Variants in NDUFAF6 observed in about 807,000 individuals in gnomAD.
NDUFAF6 encodes the protein NADH dehydrogenase (ubiquinone) complex I, assembly factor 6.
NDUFAF6 carries 45 observed loss-of-function variants against 40.8 expected under a neutral mutation model. The ratio of observed to expected loss-of-function variants is 1.10; its 90% CI spans 0.87 to 1.42. The LOEUF (loss-of-function observed/expected upper bound fraction) is 1.42, where lower values mean the gene tolerates loss of function less well. Among genes scored for constraint, NDUFAF6 ranks in the 40% most tolerant of loss-of-function variants. The pLI, the probability that NDUFAF6 is intolerant of heterozygous loss-of-function variation, is 0.00. For missense variants in NDUFAF6, 435 were observed against 418.5 expected (o/e 1.04, Z -0.34); for synonymous variants, 185 against 155.9 (o/e 1.19, Z -1.39).
intron 2 of NDUFAF6, among the ~76,000 whole-genome samples, chr8:95,092,826 G>A (rs997197724): frequency 1.3e-5 from 2 of 152,018 alleles, no homozygotes; most frequent in Non-Finnish European, 2.9e-5. Context: ...CCTCATGATC[G>A]GCCTGCTTTG....
intron 4 of NDUFAF6, among the ~76,000 whole-genome samples, chr8:95,043,774 A>G (rs941501490): frequency 1.3e-5 from 2 of 152,246 alleles, no homozygotes; most frequent in Admixed American, 1.3e-4. Flanking sequence ...AACCTTTCGT[A>G]CATTGCTGGT....
upstream of NDUFAF6, among the ~76,000 whole-genome samples, chr8:95,023,807 A>G (rs1827801953): frequency 6.6e-6 from 1 of 152,162 alleles, no homozygotes; most frequent in Non-Finnish European, 1.5e-5. Context: ...CCTGGCCAAC[A>G]TGGTGAAACC....
Position 95,005,554 on chromosome 8 carries a change from A to ATGT in NDUFAF6, c.-84+24581_-84+24582insTGT, listed in dbSNP as rs1554657858. Among the ~76,000 whole-genome samples the ATGT allele has an allele frequency of 1.1e-3, 130 of 115,336 alleles. 9 individuals carry two copies. The highest frequency in any genetic ancestry group is 4.7e-3 in the African/African-American group (126 of 26,774). The allele number at this position is 115,336 out of a possible 152,430, so 75.7% of individuals were successfully genotyped here. A position where few individuals can be genotyped will look rare whatever the true frequency, so the allele number is the denominator to read the frequency against. ...ATATATATATATATATATATATATAAAAAATATATTAACATAAATAATATA... is the reference window on the plus strand; with the variant it reads ...ATATATATATATATATATATATATAATGTAAAATATATTAACATAAATAATATA... On this transcript the variant is annotated intron_variant, in intron 2 of 9. Transcript: ENST00000396111.
intron 2 of NDUFAF6, among the ~76,000 whole-genome samples, chr8:95,086,856 G>GC (rs1809064704): frequency 6.6e-6 from 1 of 151,918 alleles, no homozygotes; most frequent in Non-Finnish European, 1.5e-5. Flanking sequence ...GCCCGCCTCC[G>GC]CCCCCCAAAG....
At chr8:95,028,829 C>A (rs1234937793) in intron 1 of NDUFAF6, among the ~76,000 whole-genome samples, 1 of 152,192 alleles carries the variant, frequency 6.6e-6, no homozygotes, top group African/African-American at 2.4e-5. Context: ...GTTTTAAACA[C>A]TTCTGAAGTT....
At chr8:94,921,527 G>A (rs1027054805) in intron 1 of NDUFAF6, among the ~76,000 whole-genome samples, 11 of 152,202 alleles carry the variant, frequency 7.2e-5, no homozygotes, top group Admixed American at 3.9e-4. Context: ...TTGGGATACT[G>A]TTATCAGAAG....
chr8:94,983,329 A>G (rs956535320), intron 2 of NDUFAF6, among the ~76,000 whole-genome samples: 1 of 127,940 alleles, frequency 7.8e-6, no homozygotes, highest in African/African-American at 3.1e-5. Flanking sequence ...CAATGGCACT[A>G]TCTTGGCTCA....
chr8:95,012,935 T>G (rs1827288802), intron 2 of NDUFAF6, among the ~76,000 whole-genome samples: 1 of 152,176 alleles, frequency 6.6e-6, no homozygotes. Context: ...TACTTTTAGT[T>G]TTGCCAGAGT....
chr8:95,090,302 G>T (rs1193309359), intron 2 of NDUFAF6, among the ~76,000 whole-genome samples: 1 of 152,076 alleles, frequency 6.6e-6, no homozygotes, highest in African/African-American at 2.4e-5. Context: ...TACCTAGCAC[G>T]CCTGCACCTG....
At chr8:94,943,490 A>G (rs1292953279) in intron 1 of NDUFAF6, among the ~76,000 whole-genome samples, 2 of 152,200 alleles carry the variant, frequency 1.3e-5, no homozygotes, top group African/African-American at 4.8e-5. Context: ...TTGTCTCAAA[A>G]AAAAGTTATA....
intron 2 of NDUFAF6, chr8:95,034,079 C>T (rs1480633507): frequency 2.2e-6 from 1 of 457,624 alleles, no homozygotes; most frequent in Non-Finnish European, 4.4e-6. Flanking sequence ...CTAAGAAACC[C>T]ACCCACCACC....
upstream of NDUFAF6, among the ~76,000 whole-genome samples, chr8:95,097,291 A>T (rs970485790): frequency 6.6e-6 from 1 of 152,242 alleles, no homozygotes; most frequent in Admixed American, 6.5e-5. Flanking sequence ...AAACTAAGAC[A>T]TCTCAATTTC....
At chr8:95,089,130 C>T (rs954072613) in intron 2 of NDUFAF6, among the ~76,000 whole-genome samples, 18 of 151,154 alleles carry the variant, frequency 1.2e-4, no homozygotes, top group Non-Finnish European at 1.9e-4. Flanking sequence ...GTGCGATCTC[C>T]GCCCACTGCA....
At chr8:95,105,116 G>T (rs904880890), downstream of NDUFAF6, among the ~76,000 whole-genome samples, 1 of 108,104 alleles carries the variant, frequency 9.3e-6, no homozygotes, top group Non-Finnish European at 1.9e-5. Context: ...GAGAGAGAGA[G>T]ATCACGTAGC....
chr8:95,064,540 CGT>C (rs10559024), intron 9 of NDUFAF6, among the ~76,000 whole-genome samples: 105,433 of 149,582 alleles, frequency 0.7, 37,399 homozygotes, highest in East Asian at 0.92. Flanking sequence ...ATCATTTATT[CGT>C]GTGTGTGTGT....
intron 1 of NDUFAF6, among the ~76,000 whole-genome samples, chr8:94,964,460 G>A (rs529198323): frequency 8.7e-5 from 13 of 149,294 alleles, no homozygotes; most frequent in Admixed American, 2.7e-4. Flanking sequence ...AGGAATACCC[G>A]AGACTGGGTA....
At chr8:94,896,952 T>C (rs2131147710) in intron 1 of NDUFAF6, among the ~76,000 whole-genome samples, 1 of 152,264 alleles carries the variant, frequency 6.6e-6, no homozygotes, top group African/African-American at 2.4e-5. Flanking sequence ...CCCAAGAAAC[T>C]TTCTGCCATT....
At chr8:94,999,149 G>T (rs1360471103) in intron 2 of NDUFAF6, among the ~76,000 whole-genome samples, 2 of 141,390 alleles carry the variant, frequency 1.4e-5, no homozygotes, top group African/African-American at 5.4e-5. Flanking sequence ...TTTGAAGACA[G>T]AGTCTCACTC....
At chr8:95,096,196 A>G (rs1809458895), upstream of NDUFAF6, among the ~76,000 whole-genome samples, 2 of 152,190 alleles carry the variant, frequency 1.3e-5, no homozygotes, top group South Asian at 4.1e-4. Flanking sequence ...AGGGTGTGAA[A>G]GTTTAGGGGC....
Sources: gnomAD v4.1 joint callset for allele counts (sites outside exome capture counted in the v4.1 genomes callset) on GRCh38, gnomAD v4.1.1 for gene constraint, MANE v1.5 for transcripts, NCBI Gene and HGNC (gene_info 2026-07-23, HGNC 2026-07-21) for gene names.